CDC123: variants seen among roughly 807,000 people sequenced by gnomAD.
CDC123 encodes cell division cycle 123, also known as translation initiation factor eIF2 assembly protein.
A neutral mutation model predicts 54.4 loss-of-function variants in CDC123; 37 were observed. That is an observed-to-expected ratio of 0.68 (90% CI 0.52 to 0.89). CDC123 has a LOEUF of 0.89. Among genes scored for constraint, CDC123 ranks in the 40% least tolerant of loss-of-function variants. The pLI is 0.00. For synonymous variants in CDC123, 144 were observed against 136.8 expected (o/e 1.05, Z -0.37); for missense variants, 361 against 412.1 (o/e 0.88, Z 1.07).
intron 4 of CDC123, among the ~76,000 whole-genome samples, chr10:12,215,398 CCTGT>C (rs942461543): frequency 2.6e-5 from 4 of 152,084 alleles, no homozygotes; most frequent in African/African-American, 9.7e-5. Context: ...TGATATTCCA[CCTGT>C]CTATTTTCTC....
At position 12,249,645 on chromosome 10, in the gene CDC123, A is replaced by T; in HGVS notation, c.911A>T (p.Tyr304Phe). The T allele has an allele frequency of 6.2e-7, 1 of 1,614,224 alleles. No individual in the cohort carries two copies. The highest frequency in any genetic ancestry group is 1.6e-4 in the Middle Eastern group (1 of 6,062). Reference protein sequence around the residue: ...VTVQPSPYLSYRLPKDFVDLS... With the variant: ...VTVQPSPYLSFRLPKDFVDLS... Reference sequence around the variant, plus strand: ...GTCCAGCCCAGCCCCTATTTGAGTTACCGGCTACCCAAGGACTTTGTAGAC... The same window carrying T: ...GTCCAGCCCAGCCCCTATTTGAGTTTCCGGCTACCCAAGGACTTTGTAGAC... Residue 304 changes from tyrosine to phenylalanine, a missense_variant, in exon 12 of 13, where the codon TAC becomes TTC. Coordinates refer to ENST00000281141, the MANE Select transcript of CDC123 (RefSeq NM_006023.3).
intron 2 of CDC123, among the ~76,000 whole-genome samples, chr10:12,199,964 G>A (rs1256118766): frequency 6.6e-6 from 1 of 150,938 alleles, no homozygotes; most frequent in Non-Finnish European, 1.5e-5. Context: ...TGGGACTACA[G>A]GCGCCCACCA....
chr10:12,247,099 C>G (rs1328214020), intron 11 of CDC123: 1 of 103,352 alleles, frequency 9.7e-6, no homozygotes, highest in African/African-American at 3.2e-5. Flanking sequence ...ACACTGTCCT[C>G]CTCTCTCACC....
rs143537511 is a variant in CDC123 at position 12,241,934 on chromosome 10, C to G, written c.717+3449C>G. 1.7e-3 allele frequency among the ~76,000 whole-genome samples: 249 copies of G among 150,614 alleles called. 1 individual carries two copies. The highest frequency in any genetic ancestry group is 3.7e-3 in the Admixed American group (55 of 14,862). On this transcript the variant is annotated intron_variant, in intron 10 of 12. Coordinates refer to ENST00000281141, the MANE Select transcript of CDC123 (RefSeq NM_006023.3). ...GACCCTCCCACGGGTTCCCACAGCA[C>G]TAGAGTTGATAGGCTTAGTTCTGTT...
intron 6 of CDC123, among the ~76,000 whole-genome samples, chr10:12,229,563 C>A (rs561810202): frequency 6.6e-6 from 1 of 152,186 alleles, no homozygotes; most frequent in African/African-American, 2.4e-5. Context: ...CACTCCCCTC[C>A]GACACACAGC....
intron 10 of CDC123, 30 bp downstream of exon 10, chr10:12,238,515 A>G (rs1360776376): frequency 2.2e-5 from 35 of 1,603,750 alleles, no homozygotes; most frequent in Non-Finnish European, 2.6e-5. Flanking sequence ...GATATGCTTT[A>G]ATATAAGAGC....
intron 10 of CDC123, among the ~76,000 whole-genome samples, chr10:12,238,695 G>A (rs1196937430): frequency 6.6e-6 from 1 of 151,946 alleles, no homozygotes; most frequent in African/African-American, 2.4e-5. Context: ...GGGCAACATA[G>A]TGAGCCCTCA....
intron 8 of CDC123, among the ~76,000 whole-genome samples, chr10:12,236,631 A>G (rs1835980413): frequency 6.6e-6 from 1 of 150,564 alleles, no homozygotes; most frequent in Non-Finnish European, 1.5e-5. Flanking sequence ...GCGGTGGCTT[A>G]CACCTGTAAT....
intron 7 of CDC123, 65 bp downstream of exon 7, chr10:12,231,061 A>C: frequency 7.2e-7 from 1 of 1,393,034 alleles, no homozygotes; most frequent in Middle Eastern, 2.2e-4. Flanking sequence ...ATTTATTCTT[A>C]AGTGAAATGA....
At chr10:12,244,550 C>A (rs1026954700) in intron 10 of CDC123, among the ~76,000 whole-genome samples, 1 of 152,192 alleles carries the variant, frequency 6.6e-6, no homozygotes, top group African/African-American at 2.4e-5. Flanking sequence ...GTGACCTTTC[C>A]CTGAGGAGAG....
At position 12,246,342 on chromosome 10, in the gene CDC123, T is replaced by G. The variant is rs942344853; in HGVS notation, c.846+65T>G. The G allele has an allele frequency of 3.2e-6, 5 of 1,579,300 alleles. No homozygotes were observed. The African/African-American group carries it at 6.7e-5, about 21-fold the overall frequency. On this transcript the variant is annotated intron_variant, in intron 11 of 12. Coordinates refer to ENST00000281141, the MANE Select transcript of CDC123 (RefSeq NM_006023.3). ...AGTCTACTGACTGACTGCTTGTTCT[T>G]CAGACGCATAGGTAGGCGGCAATGG...
At chr10:12,238,701 C>G (rs978891068) in intron 10 of CDC123, among the ~76,000 whole-genome samples, 1 of 151,618 alleles carries the variant, frequency 6.6e-6, no homozygotes, top group African/African-American at 2.4e-5. Context: ...CATAGTGAGC[C>G]CTCATCTCTA....
At chr10:12,217,604 C>A in intron 6 of CDC123, 137 bp downstream of exon 6, 1 of 787,438 alleles carries the variant, frequency 1.3e-6, no homozygotes, top group Non-Finnish European at 1.9e-6. Context: ...GCCAAAATGA[C>A]CTGTTAAAGC....
At chr10:12,232,756 A>G (rs549879679) in intron 7 of CDC123, among the ~76,000 whole-genome samples, 2 of 151,604 alleles carry the variant, frequency 1.3e-5, no homozygotes, top group Admixed American at 1.3e-4. Flanking sequence ...GCTTTCTGCC[A>G]GGTATGAGAA....
intron 5 of CDC123, among the ~76,000 whole-genome samples, chr10:12,216,195 C>G (rs923049069): frequency 2.0e-5 from 3 of 152,098 alleles, no homozygotes; most frequent in African/African-American, 7.2e-5. Context: ...GTGTCATAGG[C>G]TATAGAAATA....
intron 2 of CDC123, among the ~76,000 whole-genome samples, chr10:12,208,228 C>T (rs1835547082): frequency 1.3e-5 from 2 of 152,120 alleles, no homozygotes; most frequent in South Asian, 2.1e-4. Context: ...TTATTTTTCT[C>T]AATGATATGA....
intron 2 of CDC123, among the ~76,000 whole-genome samples, chr10:12,200,119 C>CCTTTTTTTTTTTTTTTTTTTTTTTTTTT (rs1564431631): frequency 4.1e-5 from 1 of 24,270 alleles, no homozygotes; most frequent in African/African-American, 1.1e-4. Context: ...CCGCACTCGG[C>CCTTTTTTTTTTTTTTTTTTTTTTTTTTT]ATTTTTTTTT....
intron 6 of CDC123, among the ~76,000 whole-genome samples, chr10:12,225,337 G>A (rs1171513708): frequency 3.9e-5 from 6 of 152,318 alleles, no homozygotes; most frequent in African/African-American, 7.2e-5. Flanking sequence ...GGAGGTTGCA[G>A]TGAGCCAAGA....
intron 3 of CDC123, 36 bp from the exon 4 acceptor site, chr10:12,210,254 A>C (rs1835579579): frequency 6.2e-7 from 1 of 1,611,554 alleles, no homozygotes; most frequent in Non-Finnish European, 8.5e-7. Flanking sequence ...CAGTATTTAA[A>C]TTTAATGTTT....
Sources: allele counts gnomAD v4.1 joint callset (sites outside exome capture counted in the v4.1 genomes callset), GRCh38; gene constraint gnomAD v4.1.1; transcripts MANE v1.5; gene names NCBI Gene and HGNC (gene_info 2026-07-23, HGNC 2026-07-21).